Variants in NUP205 observed in about 807,000 individuals in gnomAD.
NUP205 encodes nucleoporin 205, also known as nuclear pore complex protein Nup205.
A neutral mutation model predicts 253.8 loss-of-function variants in NUP205; 76 were observed. That is an observed-to-expected ratio of 0.30 (90% CI 0.25 to 0.36). NUP205 has a LOEUF of 0.36. Ranked by LOEUF, NUP205 falls within the 10% of genes least tolerant of loss-of-function variation. NUP205 has a pLI of 1.00. For synonymous variants in NUP205, 832 were observed against 850.1 expected (o/e 0.98, Z 0.37); for missense variants, 2,162 against 2,425.5 (o/e 0.89, Z 2.28).
Position 135,645,102 on chromosome 7 carries a change from A to G in NUP205, c.5683+84A>G. On this transcript the variant is annotated intron_variant, in intron 40 of 42. Transcript: ENST00000285968. ...TTATTCTCATATTATTTGGGCACCA[A>G]AACCAGGTGGAAGGAGATAAACTTA... is the stretch of plus-strand genomic sequence containing the variant. 3 of 1,505,826 alleles carry G rather than the reference A, an allele frequency of 2.0e-6. No homozygotes were observed. The South Asian group carries it at 3.6e-5, about 18-fold the overall frequency. 93.3% of individuals were successfully genotyped at this position (1,505,826 alleles called of 1,614,324 possible).
intron 7 of NUP205, among the ~76,000 whole-genome samples, chr7:135,584,081 A>T (rs1806391457): frequency 6.6e-6 from 1 of 152,074 alleles, no homozygotes; most frequent in Admixed American, 6.5e-5. Flanking sequence ...AAGTGCTGGG[A>T]TTACAGGCAT....
chr7:135,594,604 A>G lies in NUP205; in HGVS notation c.1888A>G (p.Ile630Val), dbSNP rs750521784. The stretch of plus-strand genomic sequence containing the variant: ...CCCTCAGTGGACCCCTGTTGTGGTG[A>G]TTCTGGGACTCCTCCAATGCAGTAT... ...EHPQWTPVVV[I>V]LGLLQCSIPP... is the part of the protein sequence containing the mutation. Residue 630 changes from isoleucine (I) to valine (V), a missense_variant, in exon 13 of 43, where the codon ATT (isoleucine) becomes GTT (valine). Physicochemically the swap from Ile to Val is conservative, Grantham distance 29 (BLOSUM62 3). Coordinates refer to ENST00000285968, the MANE Select transcript of NUP205 (RefSeq NM_015135.3). 2 of 1,613,632 alleles carry G rather than the reference A, an allele frequency of 1.2e-6. No homozygotes were observed. The highest frequency in any genetic ancestry group is 4.5e-5 in the East Asian group (2 of 44,846).
intron 1 of NUP205, among the ~76,000 whole-genome samples, chr7:135,570,319 TTTCTCC>T (rs1051233515): frequency 1.3e-5 from 2 of 151,742 alleles, no homozygotes; most frequent in Admixed American, 6.6e-5. Context: ...GTTCGAGTGA[TTTCTCC>T]TGTCCCAGCC....
chr7:135,611,648 G>GTT (rs201909823), intron 22 of NUP205, among the ~76,000 whole-genome samples: 1 of 148,018 alleles, frequency 6.8e-6, no homozygotes, highest in African/African-American at 2.5e-5. Context: ...GTTGTTTCCA[G>GTT]TTTTTTTTTT....
At chr7:135,578,661 A>T in intron 6 of NUP205, 90 bp from the exon 7 acceptor site, 1 of 900,528 alleles carries the variant, frequency 1.1e-6, no homozygotes, top group Middle Eastern at 2.4e-4. Flanking sequence ...GAGAATGCTC[A>T]GATTTTCTGA....
In NUP205 at chr7:135,618,438, G is replaced by C; in HGVS notation, c.3798G>C (p.Val1266=). The change falls in exon 28 of 43, where the codon GTG becomes GTC. Residue 1266 remains valine (V), a synonymous_variant. Coordinates refer to ENST00000285968, the MANE Select transcript of NUP205 (RefSeq NM_015135.3). ...AAATCAGCACTGTACTTCAGTATGT[G>C]GTAGGAAGAAATAAATTGCTGCAGT... is the stretch of plus-strand genomic sequence containing the variant. The part of the protein sequence containing the change: ...MEEISTVLQY[V]VGRNKLLQCL... The C allele has an allele frequency of 6.2e-7, 1 of 1,614,048 alleles. No homozygotes were observed. The highest frequency in any genetic ancestry group is 2.2e-5 in the East Asian group (1 of 44,874).
chr7:135,590,631 CA>C (rs1806605436), intron 10 of NUP205, among the ~76,000 whole-genome samples: 1 of 151,142 alleles, frequency 6.6e-6, no homozygotes. Flanking sequence ...CTCCTGGGTT[CA>C]ATTGATTCTC....
intron 22 of NUP205, among the ~76,000 whole-genome samples, chr7:135,609,504 C>T (rs187359948): frequency 5.3e-5 from 8 of 150,246 alleles, no homozygotes; most frequent in Admixed American, 2.7e-4. Flanking sequence ...AAAAATTATC[C>T]GGGCATGGTG....
At position 135,606,930 on chromosome 7, in the gene NUP205, A is replaced by G. The variant is rs757710621; in HGVS notation, c.3070+15A>G. On this transcript the variant is annotated intron_variant, in intron 21 of 42. Coordinates refer to ENST00000285968, the MANE Select transcript of NUP205 (RefSeq NM_015135.3). ...ACAAGATCCAGGTATAGCCTAAGAC[A>G]TAAAGGCATTTCTTTCCTTCCATAT... The G allele has an allele frequency of 1.9e-6, 3 of 1,606,706 alleles. No individual in the cohort carries two copies. Among genetic ancestry groups the G allele is most frequent in the Non-Finnish European group, 2.6e-6 (3 of 1,175,434 alleles).
At chr7:135,603,541 G>A (rs973569606) in intron 18 of NUP205, among the ~76,000 whole-genome samples, 29 of 145,268 alleles carry the variant, frequency 2.0e-4, no homozygotes, top group African/African-American at 7.2e-4. Context: ...ACAACATTTC[G>A]CTCTGTCACC....
At chr7:135,619,373 A>T in intron 28 of NUP205, 50 bp from the exon 29 acceptor site, 1 of 1,559,384 alleles carries the variant, frequency 6.4e-7, no homozygotes, top group Non-Finnish European at 8.7e-7. Context: ...TTTGTTAATG[A>T]TTATAGCTGA....
chr7:135,609,104 CAAAAAAAAAA>C (rs1163880987), intron 22 of NUP205, among the ~76,000 whole-genome samples: 2 of 66,184 alleles, frequency 3.0e-5, no homozygotes, highest in African/African-American at 5.6e-5. Context: ...AACTCCGTCT[CAAAAAAAAAA>C]AAAAAAAAAA....
At chr7:135,581,813 A>C (rs1211585589) in intron 7 of NUP205, among the ~76,000 whole-genome samples, 1 of 152,016 alleles carries the variant, frequency 6.6e-6, no homozygotes, top group Non-Finnish European at 1.5e-5. Context: ...AGATCATGCC[A>C]CTGCACTTTA....
intron 6 of NUP205, 61 bp downstream of exon 6, chr7:135,578,085 CA>C: frequency 4.0e-6 from 5 of 1,251,916 alleles, no homozygotes; most frequent in Non-Finnish European, 5.8e-6. Flanking sequence ...GTGGGGATAA[CA>C]TTTAAAAAGG....
At chr7:135,638,083 A>G in intron 37 of NUP205, 24 bp downstream of exon 37, 1 of 1,604,082 alleles carries the variant, frequency 6.2e-7, no homozygotes, top group South Asian at 1.1e-5. Flanking sequence ...GACTTCTCTA[A>G]GGTTTTTATG....
intron 18 of NUP205, 118 bp downstream of exon 18, chr7:135,603,112 CTTTTTTTTT>C (rs11300648): frequency 5.0e-4 from 165 of 332,706 alleles, no homozygotes; most frequent in Middle Eastern, 7.3e-4. Context: ...CCTCATTTTA[CTTTTTTTTT>C]TTTTTTTTTT....
chr7:135,568,725 G>C (rs1469315843), intron 1 of NUP205, among the ~76,000 whole-genome samples: 1 of 152,174 alleles, frequency 6.6e-6, no homozygotes, highest in African/African-American at 2.4e-5. Context: ...TATAGTCAAA[G>C]TTTGAAAGCA....
intron 39 of NUP205, among the ~76,000 whole-genome samples, chr7:135,644,026 A>G (rs922629366): frequency 2.0e-5 from 3 of 152,218 alleles, no homozygotes; most frequent in Non-Finnish European, 4.4e-5. Flanking sequence ...TGAGTAGTCC[A>G]TGCCTACTCC....
chr7:135,603,236 C>T (rs916431110), intron 18 of NUP205, among the ~76,000 whole-genome samples: 1 of 150,940 alleles, frequency 6.6e-6, no homozygotes, highest in Admixed American at 6.6e-5. Flanking sequence ...CTGCCTCAGC[C>T]TCCTGAGTAG....
Sources: gnomAD v4.1 joint callset for allele counts (sites outside exome capture counted in the v4.1 genomes callset) on GRCh38, gnomAD v4.1.1 for gene constraint, MANE v1.5 for transcripts, NCBI Gene and HGNC (gene_info 2026-07-23, HGNC 2026-07-21) for gene names.